The following ESRRG variants were observed in gnomAD, a reference collection of about 807,000 sequenced individuals.
The protein encoded by ESRRG is estrogen-related receptor gamma.
A neutral mutation model predicts 44.0 loss-of-function variants in ESRRG; 13 were observed. That is an observed-to-expected ratio of 0.30 (90% CI 0.19 to 0.47). ESRRG has a LOEUF of 0.47. Among genes scored for constraint, ESRRG ranks in the 20% least tolerant of loss-of-function variants. The pLI is 1.00. For synonymous variants in ESRRG, 215 were observed against 214.6 expected, an observed-to-expected ratio of 1.00 and a Z score of -0.02; for missense variants, 395 against 580.6, an observed-to-expected ratio of 0.68 and a Z score of 3.29.
At chr1:216,740,390 T>C (rs1319958191) in intron 2 of ESRRG, among the ~76,000 whole-genome samples, 1 of 152,178 alleles carries the variant, frequency 6.6e-6, no homozygotes, top group Admixed American at 6.5e-5. Flanking sequence ...AACTTGTAGC[T>C]AATTAAATGC....
intron 1 of ESRRG, among the ~76,000 whole-genome samples, chr1:217,033,262 G>C (rs1194489680): frequency 6.6e-6 from 1 of 152,126 alleles, no homozygotes; most frequent in Non-Finnish European, 1.5e-5. Context: ...TCCCCTTTTT[G>C]TGCAGTACCC....
At position 216,677,349 on chromosome 1, in the gene ESRRG, T is replaced by C; in HGVS notation, c.199A>G (p.Ser67Gly). The change falls in exon 2 of 7, where the codon AGC (serine) becomes GGC (glycine). Residue 67 changes from serine (S) to glycine (G), a missense_variant. Physicochemically the swap from Ser to Gly is moderately conservative, Grantham distance 56 (BLOSUM62 0). Transcript: ENST00000408911. ...TGGCCATTCATGGTTGAACTGTAGC[T>C]CCCACTGGCGTCTGAAGAGCCACCA... The part of the protein sequence containing the change: ...SPGGSSDASG[S>G]YSSTMNGHQN... 1 of 1,614,116 alleles carries C rather than the reference T, an allele frequency of 6.2e-7. No individual in the cohort carries two copies. The highest frequency in any genetic ancestry group is 1.1e-5 in the South Asian group (1 of 91,080).
chr1:216,535,074 G>A (rs1158523415), intron 5 of ESRRG, among the ~76,000 whole-genome samples: 1 of 152,162 alleles, frequency 6.6e-6, no homozygotes, highest in Admixed American at 6.5e-5. Context: ...GTGTATGTAA[G>A]AGGCAAGGGT....
intron 2 of ESRRG, among the ~76,000 whole-genome samples, chr1:216,892,940 G>T (rs543419365): frequency 3.5e-4 from 53 of 152,194 alleles, no homozygotes; most frequent in African/African-American, 4.3e-4. Flanking sequence ...TTCAGATAAA[G>T]GTTACCGTGA....
intron 3 of ESRRG, among the ~76,000 whole-genome samples, chr1:216,592,056 G>A (rs990709169): frequency 1.3e-5 from 2 of 152,160 alleles, no homozygotes; most frequent in South Asian, 4.1e-4. Context: ...TGAGATCACT[G>A]CATCACTTCT....
chr1:216,640,417 G>A (rs1471388565), intron 3 of ESRRG, among the ~76,000 whole-genome samples: 1 of 151,940 alleles, frequency 6.6e-6, no homozygotes, highest in East Asian at 1.9e-4. Flanking sequence ...GGCCAAGCCA[G>A]CTGGCTTGTT....
chr1:216,704,572 T>G (rs2082088575), intron 1 of ESRRG, among the ~76,000 whole-genome samples: 1 of 152,044 alleles, frequency 6.6e-6, no homozygotes. Flanking sequence ...AATTCTAAAG[T>G]GTAAAACATC....
At chr1:216,843,196 G>A (rs2095681424) in intron 2 of ESRRG, among the ~76,000 whole-genome samples, 1 of 151,532 alleles carries the variant, frequency 6.6e-6, no homozygotes, top group African/African-American at 2.4e-5. Context: ...AAGAAAGGGG[G>A]CTAAGAATCA....
intron 2 of ESRRG, among the ~76,000 whole-genome samples, chr1:216,924,434 C>T (rs71643427): frequency 0.073 from 11,057 of 152,136 alleles, 467 homozygotes; most frequent in Non-Finnish European, 0.091. Flanking sequence ...GTCCAATTCG[C>T]CTCCACAAGG....
intron 1 of ESRRG, among the ~76,000 whole-genome samples, chr1:217,019,868 TACTTTCA>T (rs1379525530): frequency 6.6e-6 from 1 of 152,206 alleles, no homozygotes; most frequent in Non-Finnish European, 1.5e-5. Flanking sequence ...TTAGAGAACA[TACTTTCA>T]AAAATCTCTT....
chr1:216,561,111 G>C (rs559544714), intron 5 of ESRRG, among the ~76,000 whole-genome samples: 4 of 152,122 alleles, frequency 2.6e-5, no homozygotes, highest in African/African-American at 9.6e-5. Context: ...ATTTATTAAT[G>C]TAAGTCAACT....
intron 3 of ESRRG, among the ~76,000 whole-genome samples, chr1:216,591,902 G>A (rs1037206060): frequency 9.9e-5 from 15 of 152,180 alleles, no homozygotes; most frequent in Admixed American, 2.6e-4. Flanking sequence ...TCAATTTATC[G>A]CACCACAAAA....
At chr1:216,936,060 A>G (rs975761419) in intron 2 of ESRRG, among the ~76,000 whole-genome samples, 42 of 152,240 alleles carry the variant, frequency 2.8e-4, no homozygotes, top group African/African-American at 9.4e-4. Flanking sequence ...TCTGGTGACC[A>G]GAACCCATTT....
intron 1 of ESRRG, among the ~76,000 whole-genome samples, chr1:217,003,414 A>T (rs1213628125): frequency 4.6e-5 from 7 of 152,004 alleles, no homozygotes; most frequent in Non-Finnish European, 1.5e-5. Flanking sequence ...TTCAATAAAC[A>T]TTAGTTTCCC....
At chr1:216,729,417 G>C (rs1339630414) in intron 2 of ESRRG, among the ~76,000 whole-genome samples, 1 of 152,140 alleles carries the variant, frequency 6.6e-6, no homozygotes, top group African/African-American at 2.4e-5. Flanking sequence ...AAACTGAACA[G>C]AGAGATGCAA....
At chr1:216,779,346 CAT>C (rs552779319) in intron 2 of ESRRG, among the ~76,000 whole-genome samples, 955 of 50,756 alleles carry the variant, frequency 0.019, 50 homozygotes, top group African/African-American at 0.066. Context: ...TATTTATAAA[CAT>C]AAAATATTTA....
intron 1 of ESRRG, among the ~76,000 whole-genome samples, chr1:216,967,009 T>C (rs2070536487): frequency 6.6e-6 from 1 of 152,148 alleles, no homozygotes; most frequent in Non-Finnish European, 1.5e-5. Flanking sequence ...CTGGACTACC[T>C]GAGTTTCCTA....
intron 1 of ESRRG, among the ~76,000 whole-genome samples, chr1:216,984,769 A>G (rs2074589495): frequency 6.6e-6 from 1 of 152,228 alleles, no homozygotes; most frequent in Admixed American, 6.5e-5. Flanking sequence ...ACTAATCTGC[A>G]TTCCTGTCAA....
At chr1:216,786,961 C>T (rs2147999254) in intron 2 of ESRRG, among the ~76,000 whole-genome samples, 1 of 152,190 alleles carries the variant, frequency 6.6e-6, no homozygotes, top group East Asian at 1.9e-4. Context: ...CAGTGCTTTG[C>T]AAATATTGCA....
Sources: allele counts gnomAD v4.1 joint callset (sites outside exome capture counted in the v4.1 genomes callset), GRCh38; gene constraint gnomAD v4.1.1; transcripts MANE v1.5; gene names NCBI Gene and HGNC (gene_info 2026-07-23, HGNC 2026-07-21).